Variants in GRK3 observed in about 807,000 individuals in gnomAD.
GRK3 encodes G protein-coupled receptor kinase 3.
Under a neutral mutation model 95.7 loss-of-function variants are expected in GRK3, and 54 were observed. The observed-to-expected ratio is 0.56, with a 90% CI of 0.45 to 0.71. The LOEUF is 0.71. GRK3 is among the 30% of genes least tolerant of loss of function. GRK3 has a pLI of 0.00. For missense variants in GRK3, 649 were observed against 851.2 expected, an observed-to-expected ratio of 0.76 and a Z score of 2.96; for synonymous variants, 281 against 290.8, an observed-to-expected ratio of 0.97 and a Z score of 0.34.
At chr22:25,599,658 T>C (rs775451691) in intron 1 of GRK3, among the ~76,000 whole-genome samples, 7 of 150,472 alleles carry the variant, frequency 4.7e-5, no homozygotes, top group Non-Finnish European at 1.0e-4. Flanking sequence ...ATCCAGAACA[T>C]ATAAAGAACT....
At chr22:25,645,199 A>G (rs2084771880) in intron 3 of GRK3, among the ~76,000 whole-genome samples, 1 of 152,194 alleles carries the variant, frequency 6.6e-6, no homozygotes, top group South Asian at 2.1e-4. Flanking sequence ...CAGAAGGCAC[A>G]TTGAAATCTC....
intron 2 of GRK3, among the ~76,000 whole-genome samples, chr22:25,639,380 T>C (rs2084726861): frequency 6.6e-6 from 1 of 152,192 alleles, no homozygotes; most frequent in African/African-American, 2.4e-5. Context: ...GAGGTAACAA[T>C]TCCTTTCATC....
At chr22:25,652,519 G>A (rs2084839765) in intron 3 of GRK3, among the ~76,000 whole-genome samples, 1 of 152,166 alleles carries the variant, frequency 6.6e-6, no homozygotes. Context: ...TTGCATGACA[G>A]TAGCACAAAA....
rs920794000 is a variant in GRK3, at chr22:25,578,386, C to A, written c.113+13233C>A. Reference sequence around the variant, plus strand: ...GTTTCCACTGGCTAAAAGTGAGACACCCTGAACATCAAAAGAATATGACTG... The same window carrying A: ...GTTTCCACTGGCTAAAAGTGAGACAACCTGAACATCAAAAGAATATGACTG... On this transcript the variant is annotated intron_variant, in intron 1 of 20. Coordinates refer to ENST00000324198, the MANE Select transcript of GRK3 (RefSeq NM_005160.4). 4.6e-5 allele frequency among the ~76,000 whole-genome samples: 7 copies of A among 152,226 alleles called. No individual in the cohort carries two copies. In the South Asian group the frequency reaches 8.3e-4, roughly 18 times the overall value.
chr22:25,712,825 AG>A (rs1182611662), intron 17 of GRK3, among the ~76,000 whole-genome samples: 8 of 152,246 alleles, frequency 5.3e-5, no homozygotes, highest in Non-Finnish European at 1.2e-4. Flanking sequence ...GCAAGAGCTG[AG>A]AAAGAGCACA....
At chr22:25,623,090 T>C (rs928930216) in intron 2 of GRK3, among the ~76,000 whole-genome samples, 8 of 152,108 alleles carry the variant, frequency 5.3e-5, no homozygotes, top group East Asian at 1.9e-4. Flanking sequence ...CACAGGTGTG[T>C]GCCACCACAT....
intron 3 of GRK3, among the ~76,000 whole-genome samples, chr22:25,647,043 A>T (rs2084789616): frequency 6.7e-6 from 1 of 149,870 alleles, no homozygotes; most frequent in Non-Finnish European, 1.5e-5. Flanking sequence ...AAAAAAAAAA[A>T]GAAAAAGAAA....
chr22:25,664,615 G>A (rs1235794674), intron 5 of GRK3, among the ~76,000 whole-genome samples: 1 of 150,358 alleles, frequency 6.7e-6, no homozygotes, highest in Non-Finnish European at 1.5e-5. Flanking sequence ...CCGCCTCCCA[G>A]GTTCACGCCA....
At chr22:25,706,070 A>G (rs2085297291) in intron 15 of GRK3, among the ~76,000 whole-genome samples, 1 of 152,042 alleles carries the variant, frequency 6.6e-6, no homozygotes, top group East Asian at 1.9e-4. Flanking sequence ...ATTCCTTTCT[A>G]GATTTGGGCC....
intron 2 of GRK3, among the ~76,000 whole-genome samples, chr22:25,641,746 G>A (rs1196351358): frequency 6.6e-6 from 1 of 150,994 alleles, no homozygotes; most frequent in East Asian, 1.9e-4. Context: ...AAGAAACCCT[G>A]AGAAGGGAAT....
intron 3 of GRK3, among the ~76,000 whole-genome samples, chr22:25,646,765 G>A (rs549447332): frequency 2.9e-4 from 44 of 152,270 alleles, no homozygotes; most frequent in Middle Eastern, 3.4e-3. Context: ...GCTCACGCCT[G>A]TAATCCCAGC....
intron 1 of GRK3, among the ~76,000 whole-genome samples, chr22:25,579,308 G>T (rs1462707479): frequency 6.6e-6 from 1 of 151,482 alleles, no homozygotes; most frequent in Non-Finnish European, 1.5e-5. Flanking sequence ...TACCATGCCT[G>T]GCTAATTTTT....
chr22:25,590,996 C>T (rs2146327554), intron 1 of GRK3, among the ~76,000 whole-genome samples: 2 of 152,222 alleles, frequency 1.3e-5, no homozygotes, highest in East Asian at 3.9e-4. Flanking sequence ...GATTTTGACA[C>T]CACCTTAAGT....
intron 18 of GRK3, among the ~76,000 whole-genome samples, chr22:25,716,658 A>G (rs2085388016): frequency 6.6e-6 from 1 of 152,204 alleles, no homozygotes; most frequent in African/African-American, 2.4e-5. Flanking sequence ...TCCACATCTC[A>G]GGTTCTGCAT....
chr22:25,656,219 C>T (rs1434587343), intron 3 of GRK3, among the ~76,000 whole-genome samples: 1 of 151,976 alleles, frequency 6.6e-6, no homozygotes, highest in African/African-American at 2.4e-5. Flanking sequence ...GTACATTATG[C>T]CTAGATTTAA....
intron 17 of GRK3, among the ~76,000 whole-genome samples, chr22:25,713,852 A>G (rs1302624495): frequency 6.6e-6 from 1 of 152,202 alleles, no homozygotes; most frequent in African/African-American, 2.4e-5. Context: ...GATTTCTTAT[A>G]CATATGATTA....
At chr22:25,596,462 C>T (rs2084373201) in intron 1 of GRK3, among the ~76,000 whole-genome samples, 1 of 152,180 alleles carries the variant, frequency 6.6e-6, no homozygotes, top group Non-Finnish European at 1.5e-5. Flanking sequence ...ATATTACTTG[C>T]ATTTTAAACA....
Position 25,621,814 on chromosome 22 carries a change from T to A in GRK3, c.190+17361T>A, listed in dbSNP as rs534936706. On this transcript the variant is annotated intron_variant, in intron 2 of 20. Coordinates refer to ENST00000324198, the MANE Select transcript of GRK3 (RefSeq NM_005160.4). ...CTCCTCTTGAGGTCCCAAGATAAAC[T>A]GGGAGCTCCCAGACCTGTTAGAAAG... 3.3e-5 allele frequency among the ~76,000 whole-genome samples: 5 copies of A among 152,276 alleles called. No individual in the cohort carries two copies. In the South Asian group the frequency reaches 1.0e-3, roughly 32 times the overall value.
chr22:25,714,147 G>T (rs1251841393), intron 17 of GRK3, among the ~76,000 whole-genome samples: 1 of 152,212 alleles, frequency 6.6e-6, no homozygotes, highest in Non-Finnish European at 1.5e-5. Context: ...CATGAAGATA[G>T]TATACAAGAT....
Sources: allele counts gnomAD v4.1 joint callset (sites outside exome capture counted in the v4.1 genomes callset), GRCh38; gene constraint gnomAD v4.1.1; transcripts MANE v1.5; gene names NCBI Gene and HGNC (gene_info 2026-07-23, HGNC 2026-07-21).